CNTROB: variants seen among roughly 807,000 people sequenced by gnomAD.
CNTROB encodes centrobin.
In CNTROB, 82 loss-of-function variants were observed where a neutral mutation model predicts 115.7. The ratio of observed to expected loss-of-function variants is 0.71; its 90% CI spans 0.59 to 0.85. The LOEUF is 0.85. Ranked by LOEUF, CNTROB falls within the 40% of genes least tolerant of loss-of-function variation. The probability of loss-of-function intolerance (pLI) is 0.00; values close to 1 mark genes in which losing one functional copy is unlikely to be tolerated. For synonymous variants in CNTROB, 439 were observed against 456.4 expected, an observed-to-expected ratio of 0.96 and a Z score of 0.49; for missense variants, 1,014 against 1,144.4, an observed-to-expected ratio of 0.89 and a Z score of 1.64.
chr17:7,942,552 G>A lies in CNTROB; in HGVS notation c.1312-839G>A, dbSNP rs1211698915. 9.8e-5 allele frequency among the ~76,000 whole-genome samples: 13 copies of A among 132,196 alleles called. No homozygotes were observed. In the South Asian group the frequency reaches 9.8e-4, roughly 10 times the overall value. 86.7% of individuals were successfully genotyped at this position (132,196 alleles called of 152,430 possible). On this transcript the variant is annotated intron_variant, in intron 9 of 18. Transcript: ENST00000563694. ...GCAGAGGTTGCAGTGAGCCGAGATC[G>A]CGCCACTGCACTCCAGCCTGGGTGA...
intron 4 of CNTROB, chr17:7,936,053 G>A: frequency 3.5e-6 from 1 of 289,722 alleles, no homozygotes. Flanking sequence ...GAGTAACTTT[G>A]CACATTTTGC....
In CNTROB at chr17:7,939,438, G is replaced by A; in HGVS notation, c.928-75G>A. Reference sequence around the variant, plus strand: ...GAGCATAATTCTCAGCAGGCACCTTGTATGAGGGTCAGAGGGCAGATCGCT... The same window carrying A: ...GAGCATAATTCTCAGCAGGCACCTTATATGAGGGTCAGAGGGCAGATCGCT... On this transcript the variant is annotated intron_variant, in intron 7 of 18. Transcript: ENST00000563694. The surrounding 1 kb of genome is among the most constrained non-coding windows in gnomAD (Gnocchi z 4.4). 8.1e-7 allele frequency: 1 copy of A among 1,239,144 alleles called. No individual in the cohort carries two copies. The highest frequency in any genetic ancestry group is 1.2e-6 in the Non-Finnish European group (1 of 854,692). The allele number at this position is 1,239,144 out of a possible 1,614,324, so 76.8% of individuals were successfully genotyped here.
Position 7,943,293 on chromosome 17 carries a change from A to G in CNTROB, c.1312-98A>G, listed in dbSNP as rs1974129950. On this transcript the variant is annotated intron_variant, in intron 9 of 18. Transcript: ENST00000563694. The surrounding 1 kb of genome is among the most constrained non-coding windows in gnomAD (Gnocchi z 4.7). Reference sequence around the variant, plus strand: ...AAATTCTTGTTCTTCATCTCATATGAGGGGAAAGTTGGTACTGGATTTTGT... The same window carrying G: ...AAATTCTTGTTCTTCATCTCATATGGGGGGAAAGTTGGTACTGGATTTTGT... 1.2e-6 allele frequency: 1 copy of G among 825,686 alleles called. No homozygotes were observed. Among genetic ancestry groups the G allele is most frequent in the South Asian group, 2.1e-5 (1 of 47,000 alleles). 51.1% of individuals were successfully genotyped at this position (825,686 alleles called of 1,614,324 possible). A position where few individuals can be genotyped will look rare whatever the true frequency, so the allele number is the denominator to read the frequency against.
At chr17:7,934,075 C>G in intron 1 of CNTROB, 63 bp from the exon 2 acceptor site, 2 of 1,398,850 alleles carry the variant, frequency 1.4e-6, no homozygotes, top group Non-Finnish European at 2.0e-6. Context: ...AAATTCTACC[C>G]TGGCAATAGG....
At chr17:7,938,201 C>T (rs374751671) in intron 7 of CNTROB, among the ~76,000 whole-genome samples, 2 of 151,166 alleles carry the variant, frequency 1.3e-5, no homozygotes, top group Non-Finnish European at 3.0e-5. Flanking sequence ...GACGGGGTTT[C>T]GCCATGTTGG....
At chr17:7,940,347 G>T in intron 9 of CNTROB, 105 bp downstream of exon 9, 2 of 1,106,046 alleles carry the variant, frequency 1.8e-6, no homozygotes, top group East Asian at 2.6e-5. Context: ...AGGTGTTTGG[G>T]GTTTAATTCC....
At position 7,948,915 on chromosome 17, in the gene CNTROB, A is replaced by G; in HGVS notation, c.2514-170A>G. On this transcript the variant is annotated intron_variant, in intron 17 of 18. Coordinates refer to ENST00000563694, the MANE Select transcript of CNTROB (RefSeq NM_053051.5). This position sits in a 1 kb window ranked among gnomAD's most constrained non-coding sequence, Gnocchi z 4.4. ...CAGAATCCTAGACTTTTGACTAGCT[A>G]GTGTAACTCGTTATTTACTTCCACT... 5 of 1,491,472 alleles carry G rather than the reference A, an allele frequency of 3.4e-6. No individual in the cohort carries two copies. In the South Asian group the frequency reaches 5.4e-5, roughly 16 times the overall value. The allele number at this position is 1,491,472 out of a possible 1,614,324, so 92.4% of individuals were successfully genotyped here. A position where few individuals can be genotyped will look rare whatever the true frequency, so the allele number is the denominator to read the frequency against.
chr17:7,949,622 T>C lies in CNTROB; in HGVS notation c.*112T>C. The C allele has an allele frequency of 4.4e-6, 5 of 1,146,872 alleles. No homozygotes were observed. The South Asian group carries it at 6.1e-5, about 14-fold the overall frequency. The allele number at this position is 1,146,872 out of a possible 1,614,324, so 71.0% of individuals were successfully genotyped here. On this transcript the variant is annotated 3_prime_UTR_variant, in exon 19 of 19. Transcript: ENST00000563694. Reference sequence around the variant, plus strand: ...AGGAATTTGGAAAATAGAGGTTTTGTAGGGAATCACTTCGTAAAGAAACCA... The same window carrying C: ...AGGAATTTGGAAAATAGAGGTTTTGCAGGGAATCACTTCGTAAAGAAACCA...
Position 7,943,483 on chromosome 17 carries a change from G to A in CNTROB, c.1404G>A (p.Glu468=), listed in dbSNP as rs776119656. ...RVTERLAQAQ[E]SSLRQAASLR... ...CAGAGCGGCTGGCGCAGGCTCAGGA[G>A]AGCAGCCTACGGCAAGCAGCCTCCC... is the stretch of plus-strand genomic sequence containing the variant. Residue 468 remains glutamate (E), a synonymous_variant, in exon 10 of 19, where the codon GAG becomes GAA. Transcript: ENST00000563694. This position sits in a 1 kb window ranked among gnomAD's most constrained non-coding sequence, Gnocchi z 4.7. 6.2e-7 allele frequency: 1 copy of A among 1,613,850 alleles called. No homozygotes were observed. Among genetic ancestry groups the A allele is most frequent in the East Asian group, 2.2e-5 (1 of 44,870 alleles).
In CNTROB at chr17:7,949,077, T is replaced by C; in HGVS notation, c.2514-8T>C. ...TCCCCATCCTCATACCTTTGATTTG[T>C]GTAGCAGGACTGATGGCCGAGGGGA... On this transcript the variant is annotated splice_polypyrimidine_tract_variant and splice_region_variant and intron_variant, in intron 17 of 18. Transcript: ENST00000563694. The C allele has an allele frequency of 1.9e-6, 3 of 1,614,036 alleles. No individual in the cohort carries two copies. Among genetic ancestry groups the C allele is most frequent in the Non-Finnish European group, 2.5e-6 (3 of 1,179,954 alleles).
Position 7,939,460 on chromosome 17 carries a change from C to T in CNTROB, c.928-53C>T, listed in dbSNP as rs186228515. 6.9e-6 allele frequency: 10 copies of T among 1,450,216 alleles called. No homozygotes were observed. In the Admixed American group the frequency reaches 8.5e-5, roughly 12 times the overall value. 89.8% of individuals were successfully genotyped at this position (1,450,216 alleles called of 1,614,324 possible). On this transcript the variant is annotated intron_variant, in intron 7 of 18. Coordinates refer to ENST00000563694, the MANE Select transcript of CNTROB (RefSeq NM_053051.5). This position sits in a 1 kb window ranked among gnomAD's most constrained non-coding sequence, Gnocchi z 4.4. ...CTTGTATGAGGGTCAGAGGGCAGAT[C>T]GCTGGTCTCTGAAGAGCCTACTAAG...
rs7207022 is a variant in CNTROB at position 7,943,366 on chromosome 17, G to T, written c.1312-25G>T. ...TTCTAAGCCCAAACAGATTTGGGCC[G>T]TTATCCCACCTTCCTTCACTCCAGG... On this transcript the variant is annotated intron_variant, in intron 9 of 18. Coordinates refer to ENST00000563694, the MANE Select transcript of CNTROB (RefSeq NM_053051.5). This position sits in a 1 kb window ranked among gnomAD's most constrained non-coding sequence, Gnocchi z 4.7. 6.3e-7 allele frequency: 1 copy of T among 1,593,948 alleles called. No homozygotes were observed. Among genetic ancestry groups the T allele is most frequent in the Non-Finnish European group, 8.6e-7 (1 of 1,164,450 alleles).
At chr17:7,934,106 C>T (rs1972855751) in intron 1 of CNTROB, 32 bp from the exon 2 acceptor site, 2 of 1,577,886 alleles carry the variant, frequency 1.3e-6, no homozygotes, top group South Asian at 1.1e-5. Flanking sequence ...ATAACACAGA[C>T]TGCATCTGAT....
chr17:7,935,286 G>C lies in CNTROB; in HGVS notation c.594+141G>C, dbSNP rs200748507. 253 of 1,272,234 alleles carry C rather than the reference G, an allele frequency of 2.0e-4. No homozygotes were observed. The East Asian group carries it at 6.3e-3, about 31-fold the overall frequency. 78.8% of individuals were successfully genotyped at this position (1,272,234 alleles called of 1,614,324 possible). A position where few individuals can be genotyped will look rare whatever the true frequency, so the allele number is the denominator to read the frequency against. ...TGGGAGGCTGAGGCAGGCGGATCACGAGGTCAGGAGATCGAGACCATCCTG... is the reference window on the plus strand; with the variant it reads ...TGGGAGGCTGAGGCAGGCGGATCACCAGGTCAGGAGATCGAGACCATCCTG... On this transcript the variant is annotated intron_variant, in intron 4 of 18. Coordinates refer to ENST00000563694, the MANE Select transcript of CNTROB (RefSeq NM_053051.5).
chr17:7,945,831 T>C lies in CNTROB; in HGVS notation c.1838T>C (p.Leu613Ser). The change falls in exon 13 of 19, where the codon TTG (leucine) becomes TCG (serine). Residue 613 changes from leucine to serine, a missense_variant. By Grantham distance (145) the Leu-to-Ser change is moderately radical. Transcript: ENST00000563694. ...ATGGCCGTGGCCCTGAAGCCTGTAT[T>C]GCAGCAGAGCCGGGAAGCAAGGGAC... The part of the protein sequence containing the change: ...PPMAVALKPV[L>S]QQSREARDEL... The C allele has an allele frequency of 1.2e-6, 2 of 1,614,216 alleles. No individual in the cohort carries two copies. The highest frequency in any genetic ancestry group is 1.7e-6 in the Non-Finnish European group (2 of 1,180,044).
rs988316828 is a variant in CNTROB at position 7,949,566 on chromosome 17, T to C, written c.*56T>C. 54 of 1,531,538 alleles carry C rather than the reference T, an allele frequency of 3.5e-5. No homozygotes were observed. The highest frequency in any genetic ancestry group is 4.7e-5 in the Non-Finnish European group (53 of 1,136,214). 94.9% of individuals were successfully genotyped at this position (1,531,538 alleles called of 1,614,324 possible). ...TCATTGTTGTTATTTTAATAAATGC[T>C]CATTAGTCTGTATCAGAGTCTCTGG... On this transcript the variant is annotated 3_prime_UTR_variant, in exon 19 of 19. Coordinates refer to ENST00000563694, the MANE Select transcript of CNTROB (RefSeq NM_053051.5).
In CNTROB at chr17:7,948,560, C is replaced by T. The variant is rs1288887370; in HGVS notation, c.2454C>T (p.Gly818=). The T allele has an allele frequency of 1.2e-6, 2 of 1,613,984 alleles. No homozygotes were observed. Among genetic ancestry groups the T allele is most frequent in the East Asian group, 2.2e-5 (1 of 44,892 alleles). Residue 818 remains glycine (G), a synonymous_variant, in exon 17 of 19, where the codon GGC becomes GGT. Coordinates refer to ENST00000563694, the MANE Select transcript of CNTROB (RefSeq NM_053051.5). The surrounding 1 kb of genome is among the most constrained non-coding windows in gnomAD (Gnocchi z 4.4). ...TGTTGCGACTCTACCAGGCTCGGGGCTGGGGGGCTCTGCCTGCTGAGGATC... is the reference window on the plus strand; with the variant it reads ...TGTTGCGACTCTACCAGGCTCGGGGTTGGGGGGCTCTGCCTGCTGAGGATC... ...SQLLRLYQAR[G]WGALPAEDLL...
chr17:7,944,205 C>G lies in CNTROB; in HGVS notation c.1528C>G (p.Arg510Gly), dbSNP rs780789745. ...LAQFKVEMAE[R>G]EERQQQVAED... ...TCAGTTCAAGGTGGAAATGGCAGAA[C>G]GAGAGGAACGGCAACAGCAGGTGGC... Residue 510 changes from arginine to glycine, a missense_variant, in exon 11 of 19, where the codon CGA becomes GGA. Transcript: ENST00000563694. The surrounding 1 kb of genome is among the most constrained non-coding windows in gnomAD (Gnocchi z 4.0). 6.2e-7 allele frequency: 1 copy of G among 1,613,566 alleles called. No homozygotes were observed.
chr17:7,945,589 G>A (rs1281923428), intron 12 of CNTROB, 139 bp from the exon 13 acceptor site: 6 of 869,072 alleles, frequency 6.9e-6, no homozygotes, highest in South Asian at 1.8e-5. Flanking sequence ...AGCCTCAAAC[G>A]GTCCTCCCAA....
Sources: allele counts gnomAD v4.1 joint callset (sites outside exome capture counted in the v4.1 genomes callset), GRCh38; gene constraint gnomAD v4.1.1; non-coding constraint Gnocchi (gnomAD v3.1); transcripts MANE v1.5; gene names NCBI Gene and HGNC (gene_info 2026-07-23, HGNC 2026-07-21).